Variants in ARHGAP45 observed in about 807,000 individuals in gnomAD.
ARHGAP45 encodes Rho GTPase activating protein 45.
ARHGAP45 carries 56 observed loss-of-function variants against 116.1 expected under a neutral mutation model. The observed-to-expected ratio is 0.48, with a 90% CI of 0.39 to 0.60. The LOEUF (loss-of-function observed/expected upper bound fraction) is 0.60, where lower values mean the gene tolerates loss of function less well. Ranked by LOEUF, ARHGAP45 falls within the 20% of genes least tolerant of loss-of-function variation. ARHGAP45 has a pLI of 0.00. For missense variants in ARHGAP45, 1,622 were observed against 1,601.0 expected, an observed-to-expected ratio of 1.01 and a Z score of -0.22; for synonymous variants, 866 against 701.7, an observed-to-expected ratio of 1.23 and a Z score of -3.70.
Position 1,068,338 on chromosome 19 carries a change from C to T in ARHGAP45, c.91-76C>T. Reference sequence around the variant, plus strand: ...GTGATGGTGGCCCTCCACAGCCCCACTTCATTTCTGGGGAAACTGAGGCCG... The same window carrying T: ...GTGATGGTGGCCCTCCACAGCCCCATTTCATTTCTGGGGAAACTGAGGCCG... On this transcript the variant is annotated intron_variant, in intron 1 of 22. Transcript: ENST00000313093. The surrounding 1 kb of genome is among the most constrained non-coding windows in gnomAD (Gnocchi z 7.5). 1.5e-6 allele frequency: 2 copies of T among 1,345,424 alleles called. No individual in the cohort carries two copies. Among genetic ancestry groups the T allele is most frequent in the East Asian group, 2.6e-5 (1 of 38,880 alleles). The allele number at this position is 1,345,424 out of a possible 1,614,324, so 83.3% of individuals were successfully genotyped here.
At chr19:1,074,952 C>G in intron 10 of ARHGAP45, 73 bp downstream of exon 10, 2 of 1,317,572 alleles carry the variant, frequency 1.5e-6, no homozygotes, top group Non-Finnish European at 9.9e-7. Context: ...AGCCCCAGCC[C>G]CATAGCGAGG....
At position 1,077,314 on chromosome 19, in the gene ARHGAP45, G is replaced by T. The variant is rs138571958; in HGVS notation, c.1186-543G>T. The T allele has an allele frequency of 8.3e-4, 816 of 985,206 alleles. 6 individuals carry two copies. In the African/African-American group the frequency reaches 0.013, roughly 16 times the overall value. 61.0% of individuals were successfully genotyped at this position (985,206 alleles called of 1,614,324 possible). A position where few individuals can be genotyped will look rare whatever the true frequency, so the allele number is the denominator to read the frequency against. On this transcript the variant is annotated intron_variant, in intron 10 of 22. Transcript: ENST00000313093. ...CTGCACCTCAGCTTCCCGGGCTGCA[G>T]AGTGGGCACACAGGACACCCATTTC...
At chr19:1,082,792 G>T in intron 19 of ARHGAP45, 48 bp from the exon 20 acceptor site, 1 of 1,417,498 alleles carries the variant, frequency 7.1e-7, no homozygotes, top group South Asian at 1.5e-5. Flanking sequence ...GCACACGTGG[G>T]GGCTGGGCCA....
At chr19:1,074,985 C>G in intron 10 of ARHGAP45, 106 bp downstream of exon 10, 1 of 934,790 alleles carries the variant, frequency 1.1e-6, no homozygotes, top group Non-Finnish European at 1.4e-6. Context: ...GCTCCGCACA[C>G]GCCCCGGCCT....
intron 19 of ARHGAP45, among the ~76,000 whole-genome samples, chr19:1,082,322 T>G (rs2043464855): frequency 7.8e-6 from 1 of 128,860 alleles, no homozygotes; most frequent in Non-Finnish European, 1.6e-5. Context: ...CAGAGCAAGA[T>G]GGGCGTGTTC....
chr19:1,074,930 A>G, intron 10 of ARHGAP45, 51 bp downstream of exon 10: 1 of 1,451,520 alleles, frequency 6.9e-7, no homozygotes, highest in Non-Finnish European at 9.2e-7. Context: ...GCCTCGGCGC[A>G]GGCGCAGTCC....
At position 1,073,488 on chromosome 19, in the gene ARHGAP45, C is replaced by G; in HGVS notation, c.566-18C>G. On this transcript the variant is annotated intron_variant, in intron 3 of 22. Coordinates refer to ENST00000313093, the MANE Select transcript of ARHGAP45 (RefSeq NM_012292.5). ...CCCAGAGTGGGCCCACCTCCTTGTC[C>G]TTATCTCTGCTTCCCAGCCTTCCAT... is the stretch of plus-strand genomic sequence containing the variant. 8 of 1,612,452 alleles carry G rather than the reference C, an allele frequency of 5.0e-6. No individual in the cohort carries two copies. Among genetic ancestry groups the G allele is most frequent in the Non-Finnish European group, 6.8e-6 (8 of 1,178,840 alleles).
chr19:1,082,354 T>G (rs2043465748), intron 19 of ARHGAP45, among the ~76,000 whole-genome samples: 1 of 128,924 alleles, frequency 7.8e-6, no homozygotes, highest in Non-Finnish European at 1.6e-5. Flanking sequence ...GGGACCCGTA[T>G]GAGGCTAGGG....
At position 1,080,305 on chromosome 19, in the gene ARHGAP45, C is replaced by T. The variant is rs1304006735; in HGVS notation, c.1754C>T (p.Ala585Val). The T allele has an allele frequency of 3.1e-6, 5 of 1,611,982 alleles. No individual in the cohort carries two copies. The East Asian group carries it at 8.9e-5, about 29-fold the overall frequency. ...AGCAGCTTCAACGTGAGTGATGTGG[C>T]GCGGCCGGAGGCTGCCGGGAGCCCC... ...RKSSFNVSDV[A>V]RPEAAGSPPE... The change falls in exon 14 of 23, where the codon GCG becomes GTG. Residue 585 changes from alanine to valine, a missense_variant. Ala to Val is a moderately conservative substitution (Grantham distance 64). Coordinates refer to ENST00000313093, the MANE Select transcript of ARHGAP45 (RefSeq NM_012292.5).
chr19:1,067,598 G>T, intron 1 of ARHGAP45, 103 bp downstream of exon 1: 1 of 1,137,048 alleles, frequency 8.8e-7, no homozygotes, highest in Non-Finnish European at 1.3e-6. Flanking sequence ...CTGGGGGCTC[G>T]TGCCAGCTAC....
Position 1,081,555 on chromosome 19 carries a change from C to T in ARHGAP45, c.2196C>T (p.Cys732=). ...YFQGAECEEC[C]LACHKKCLET... is the part of the protein sequence containing the mutation. ...CTCACTCTGGCCGCCCCCAGTGCTG[C>T]CTGGCCTGCCACAAGAAATGTCTGG... Residue 732 remains cysteine, a synonymous_variant, in exon 18 of 23, where the codon TGC becomes TGT. Coordinates refer to ENST00000313093, the MANE Select transcript of ARHGAP45 (RefSeq NM_012292.5). 6.8e-7 allele frequency: 1 copy of T among 1,473,414 alleles called. No homozygotes were observed. The highest frequency in any genetic ancestry group is 2.5e-5 in the East Asian group (1 of 39,944). The allele number at this position is 1,473,414 out of a possible 1,614,324, so 91.3% of individuals were successfully genotyped here. A position where few individuals can be genotyped will look rare whatever the true frequency, so the allele number is the denominator to read the frequency against.
At chr19:1,083,406 G>A in intron 21 of ARHGAP45, 53 bp downstream of exon 21, 1 of 1,439,878 alleles carries the variant, frequency 6.9e-7, no homozygotes, top group African/African-American at 1.4e-5. Context: ...GGGAGCAGGG[G>A]GCGCTGCTGG....
intron 10 of ARHGAP45, among the ~76,000 whole-genome samples, 155 bp downstream of exon 10, chr19:1,075,034 CCAA>C (rs200168178): frequency 0.048 from 6,628 of 137,130 alleles, 279 homozygotes; most frequent in East Asian, 0.2. Flanking sequence ...GCCGCCCCCC[CCAA>C]CGCCAAGCCG....
Position 1,068,373 on chromosome 19 carries a change from C to A in ARHGAP45, c.91-41C>A. ...GGGGAAACTGAGGCCGTGTCCAGGCCGGAAAATCCCTTTAACGAGCTCCCC... is the reference window on the plus strand; with the variant it reads ...GGGGAAACTGAGGCCGTGTCCAGGCAGGAAAATCCCTTTAACGAGCTCCCC... On this transcript the variant is annotated intron_variant, in intron 1 of 22. Transcript: ENST00000313093. This position sits in a 1 kb window ranked among gnomAD's most constrained non-coding sequence, Gnocchi z 7.5. 1 of 1,459,046 alleles carries A rather than the reference C, an allele frequency of 6.9e-7. No individual in the cohort carries two copies. The highest frequency in any genetic ancestry group is 9.1e-7 in the Non-Finnish European group (1 of 1,096,408). 90.4% of individuals were successfully genotyped at this position (1,459,046 alleles called of 1,614,324 possible).
In ARHGAP45 at chr19:1,068,544, C is replaced by T. The variant is rs750842481; in HGVS notation, c.221C>T (p.Ala74Val). The T allele has an allele frequency of 8.7e-6, 14 of 1,608,690 alleles. No homozygotes were observed. The highest frequency in any genetic ancestry group is 3.3e-5 in the South Asian group (3 of 90,748). Residue 74 changes from alanine to valine, a missense_variant, in exon 2 of 23, where the codon GCG becomes GTG. Ala to Val is a moderately conservative substitution (Grantham distance 64). This residue lies in a region of ARHGAP45 where 279 missense variants were observed against 311.9 expected (regional missense o/e 0.89). Transcript: ENST00000313093. The surrounding 1 kb of genome is among the most constrained non-coding windows in gnomAD (Gnocchi z 7.5). Reference sequence around the variant, plus strand: ...ACCAGCCTGAGCCGCCACGCCAGCGCGGCTGGCTTCCCCCTGTCGGGTGCT... The same window carrying T: ...ACCAGCCTGAGCCGCCACGCCAGCGTGGCTGGCTTCCCCCTGTCGGGTGCT... ...RPTSLSRHAS[A>V]AGFPLSGAAS...
intron 22 of ARHGAP45, among the ~76,000 whole-genome samples, chr19:1,084,972 C>T (rs1326905161): frequency 6.6e-6 from 1 of 152,150 alleles, no homozygotes; most frequent in Non-Finnish European, 1.5e-5. Context: ...ATCCCAGCTA[C>T]TCAGGAGGCT....
At chr19:1,066,130 C>T (rs933079091), upstream of ARHGAP45, 1 of 1,535,560 alleles carries the variant, frequency 6.5e-7, no homozygotes, top group African/African-American at 1.4e-5. Context: ...GCCTTCATGT[C>T]CTGTGCCCCA....
chr19:1,076,483 CTTTTTTTTTTTTTTTTT>C (rs71174343), intron 10 of ARHGAP45, among the ~76,000 whole-genome samples: 1 of 64,982 alleles, frequency 1.5e-5, no homozygotes, highest in Non-Finnish European at 2.9e-5. Context: ...TGGCAGTAGT[CTTTTTTTTTTTTTTTTT>C]TTTTTTTTTT....
chr19:1,068,516 C>T lies in ARHGAP45; in HGVS notation c.193C>T (p.Pro65Ser). The change falls in exon 2 of 23, where the codon CCC becomes TCC. Residue 65 changes from proline to serine, a missense_variant. Physicochemically the swap from Pro to Ser is moderately conservative, Grantham distance 74. Transcript: ENST00000313093. The surrounding 1 kb of genome is among the most constrained non-coding windows in gnomAD (Gnocchi z 7.5). ...GVKATGTLKRPTSLSRHASAA... is the reference protein window; with the variant it reads ...GVKATGTLKRSTSLSRHASAA... ...CAAGGCCACAGGGACCCTCAAGCGGCCCACCAGCCTGAGCCGCCACGCCAG... is the reference window on the plus strand; with the variant it reads ...CAAGGCCACAGGGACCCTCAAGCGGTCCACCAGCCTGAGCCGCCACGCCAG... 2 of 1,601,716 alleles carry T rather than the reference C, an allele frequency of 1.2e-6. No homozygotes were observed. The highest frequency in any genetic ancestry group is 1.7e-6 in the Non-Finnish European group (2 of 1,174,998).
Sources: gnomAD v4.1 joint callset for allele counts (sites outside exome capture counted in the v4.1 genomes callset) on GRCh38, gnomAD v4.1.1 for gene constraint, gnomAD v4.1.1 regional missense constraint, Gnocchi (gnomAD v3.1) non-coding constraint, MANE v1.5 for transcripts, NCBI Gene and HGNC (gene_info 2026-07-23, HGNC 2026-07-21) for gene names.